PYROXD2: variants seen among roughly 807,000 people sequenced by gnomAD.
PYROXD2 encodes pyridine nucleotide-disulfide oxidoreductase domain-containing protein 2.
A neutral mutation model predicts 71.1 loss-of-function variants in PYROXD2; 69 were observed. That is an observed-to-expected ratio of 0.97 (90% CI 0.80 to 1.19). The LOEUF (loss-of-function observed/expected upper bound fraction) is 1.19, where lower values mean the gene tolerates loss of function less well. Ranked by LOEUF, PYROXD2 falls within the 50% of genes most tolerant of loss-of-function variation. The pLI is 0.00. For missense variants in PYROXD2, 745 were observed against 748.9 expected (o/e 0.99, Z 0.06); for synonymous variants, 287 against 302.7 (o/e 0.95, Z 0.54).
At chr10:98,411,117 C>A (rs748770552) in intron 1 of PYROXD2, 159 bp from the exon 2 acceptor site, 1 of 978,284 alleles carries the variant, frequency 1.0e-6, no homozygotes, top group Non-Finnish European at 1.5e-6. Flanking sequence ...GGAACAGCAT[C>A]TAGTTCAACT....
In PYROXD2 at chr10:98,385,052, C is replaced by G. The variant is rs41290472; in HGVS notation, c.1570G>C (p.Ala524Pro). The G allele has an allele frequency of 6.2e-7, 1 of 1,613,830 alleles. No individual in the cohort carries two copies. The highest frequency in any genetic ancestry group is 8.5e-7 in the Non-Finnish European group (1 of 1,179,886). The change falls in exon 15 of 16, where the codon GCC (alanine) becomes CCC (proline). Residue 524 changes from alanine (A) to proline (P), a missense_variant. Physicochemically the swap from Ala to Pro is conservative, Grantham distance 27. Coordinates refer to ENST00000370575, the MANE Select transcript of PYROXD2 (RefSeq NM_032709.3). Reference protein sequence around the residue: ...GLPGGNIFHCAMSLDQLYFAR... With the variant: ...GLPGGNIFHCPMSLDQLYFAR... ...AAGTAGAGCTGGTCCAGGGACATGG[C>G]GCAGTGGAATATGTTCTGCAGAGGC...
intron 11 of PYROXD2, 111 bp downstream of exon 11, chr10:98,390,899 G>A: frequency 7.4e-7 from 1 of 1,344,468 alleles, no homozygotes; most frequent in Non-Finnish European, 1.1e-6. Flanking sequence ...GGGGACACAG[G>A]CTGGAGGTCC....
chr10:98,402,297 C>A (rs1171410284), intron 4 of PYROXD2, among the ~76,000 whole-genome samples: 1 of 152,206 alleles, frequency 6.6e-6, no homozygotes, highest in Non-Finnish European at 1.5e-5. Context: ...TTCAAAACCA[C>A]AGCTCTGTAA....
chr10:98,386,545 G>C (rs1842760517), intron 14 of PYROXD2, among the ~76,000 whole-genome samples: 1 of 106,910 alleles, frequency 9.4e-6, no homozygotes, highest in Non-Finnish European at 1.8e-5. Context: ...TCTTTCTTTT[G>C]CTTTTTTTTT....
chr10:98,386,457 T>A (rs935553317), intron 14 of PYROXD2, among the ~76,000 whole-genome samples: 2 of 152,208 alleles, frequency 1.3e-5, no homozygotes, highest in Non-Finnish European at 2.9e-5. Context: ...AATATATAAC[T>A]TATTGATGAG....
At chr10:98,401,188 G>A (rs1208665925) in intron 4 of PYROXD2, among the ~76,000 whole-genome samples, 2 of 148,208 alleles carry the variant, frequency 1.3e-5, no homozygotes, top group African/African-American at 2.5e-5. Context: ...GGAAGGCAGA[G>A]GTTGCAGTGA....
intron 15 of PYROXD2, among the ~76,000 whole-genome samples, 179 bp from the exon 16 acceptor site, chr10:98,384,047 C>A (rs1356428290): frequency 6.6e-6 from 1 of 152,136 alleles, no homozygotes; most frequent in Non-Finnish European, 1.5e-5. Flanking sequence ...TCCCTCCAGG[C>A]TTCCTGCACC....
chr10:98,396,116 G>A (rs943584792), intron 6 of PYROXD2, among the ~76,000 whole-genome samples: 5 of 152,308 alleles, frequency 3.3e-5, no homozygotes, highest in African/African-American at 1.2e-4. Context: ...CATACTCTTT[G>A]CAATGTATAA....
chr10:98,413,434 G>A (rs1031003000), intron 1 of PYROXD2, among the ~76,000 whole-genome samples: 4 of 152,228 alleles, frequency 2.6e-5, no homozygotes, highest in African/African-American at 9.7e-5. Flanking sequence ...TAAAGAAGGA[G>A]GCCGGGCGCA....
At position 98,392,991 on chromosome 10, in the gene PYROXD2, G is replaced by C. The variant is rs139454799; in HGVS notation, c.878C>G (p.Ala293Gly). 510 of 1,613,564 alleles carry C rather than the reference G, an allele frequency of 3.2e-4. 2 individuals carry two copies. In the African/African-American group the frequency reaches 6.1e-3, roughly 19 times the overall value. The change falls in exon 9 of 16, where the codon GCG (alanine) becomes GGG (glycine). Residue 293 changes from alanine (A) to glycine (G), a missense_variant. Physicochemically the swap from Ala to Gly is moderately conservative, Grantham distance 60. Coordinates refer to ENST00000370575, the MANE Select transcript of PYROXD2 (RefSeq NM_032709.3). ...ATGTGTGGTGGCTGAGCTTGCGATCGCATCAGAGAGGGCACCCATGCCCCC... is the reference window on the plus strand; with the variant it reads ...ATGTGTGGTGGCTGAGCTTGCGATCCCATCAGAGAGGGCACCCATGCCCCC... ...VQGGMGALSD[A>G]IASSATTHGA...
Position 98,385,049 on chromosome 10 carries a change from T to A in PYROXD2, c.1573A>T (p.Met525Leu). ...GCGAAGTAGAGCTGGTCCAGGGACA[T>A]GGCGCAGTGGAATATGTTCTGCAGA... ...LPGGNIFHCA[M>L]SLDQLYFARP... The change falls in exon 15 of 16, where the codon ATG becomes TTG. Residue 525 changes from methionine to leucine, a missense_variant. Physicochemically the swap from Met to Leu is conservative, Grantham distance 15. Coordinates refer to ENST00000370575, the MANE Select transcript of PYROXD2 (RefSeq NM_032709.3). 1 of 1,613,844 alleles carries A rather than the reference T, an allele frequency of 6.2e-7. No individual in the cohort carries two copies. Among genetic ancestry groups the A allele is most frequent in the Non-Finnish European group, 8.5e-7 (1 of 1,179,898 alleles).
In PYROXD2 at chr10:98,407,567, G is replaced by T; in HGVS notation, c.315+15C>A. On this transcript the variant is annotated intron_variant, in intron 4 of 15. Transcript: ENST00000370575. ...CTCCTCCCTCCGTGCAATCGGGCCG[G>T]CGGGGGGGCCCTACCTTCAGCTCCA... is the stretch of plus-strand genomic sequence containing the variant. 6.2e-7 allele frequency: 1 copy of T among 1,613,232 alleles called. No individual in the cohort carries two copies. The highest frequency in any genetic ancestry group is 1.7e-4 in the Middle Eastern group (1 of 6,060).
intron 13 of PYROXD2, 144 bp downstream of exon 13, chr10:98,388,210 G>A (rs1842819904): frequency 1.3e-6 from 1 of 779,244 alleles, no homozygotes; most frequent in Non-Finnish European, 2.1e-6. Context: ...CAACTATGTT[G>A]ACTTGAGGTT....
At chr10:98,388,301 T>C (rs4539242) in intron 13 of PYROXD2, 53 bp downstream of exon 13, 636,553 of 1,590,216 alleles carry the variant, frequency 0.4, 138,582 homozygotes, top group African/African-American at 0.79. Flanking sequence ...CAGGCCCAGT[T>C]GGGTCGCATG....
rs982517314 is a variant in PYROXD2, at chr10:98,405,147, G to C, written c.315+2435C>G. On this transcript the variant is annotated intron_variant, in intron 4 of 15. Coordinates refer to ENST00000370575, the MANE Select transcript of PYROXD2 (RefSeq NM_032709.3). ...GCAAAGGCTCTGCCCTTCCAGCCTG[G>C]ATTCCATCATCCAGCGCAGGGCCGC... Among the ~76,000 whole-genome samples, 4 of 152,298 alleles carry C rather than the reference G, an allele frequency of 2.6e-5. No individual in the cohort carries two copies. The South Asian group carries it at 6.2e-4, about 24-fold the overall frequency.
intron 1 of PYROXD2, chr10:98,414,158 T>C (rs904820118): frequency 1.3e-5 from 2 of 152,010 alleles, no homozygotes; most frequent in African/African-American, 2.4e-5. Flanking sequence ...GAGTGTTGAG[T>C]ATCTACCAGC....
At chr10:98,400,028 C>A in intron 5 of PYROXD2, 74 bp downstream of exon 5, 2 of 1,558,672 alleles carry the variant, frequency 1.3e-6, no homozygotes, top group South Asian at 1.2e-5. Context: ...AACAATTGTT[C>A]TAGGACAATC....
Position 98,390,735 on chromosome 10 carries a change from G to A in PYROXD2, c.1155C>T (p.Pro385=). The A allele has an allele frequency of 6.2e-7, 1 of 1,603,142 alleles. No homozygotes were observed. The highest frequency in any genetic ancestry group is 8.5e-7 in the Non-Finnish European group (1 of 1,174,678). ...TKINVAVDRL[P]SFLAAPNAPR... is the part of the protein sequence containing the mutation. ...GAGCATTGGGGGCCGCCAGGAAGCT[G>A]GGCAGCCTGTCTACGGCCACTGAGG... is the stretch of plus-strand genomic sequence containing the variant. Residue 385 remains proline (P), a synonymous_variant, in exon 12 of 16, where the codon CCC becomes CCT. Transcript: ENST00000370575.
At chr10:98,396,022 T>C (rs374331003) in intron 6 of PYROXD2, among the ~76,000 whole-genome samples, 48 of 152,168 alleles carry the variant, frequency 3.2e-4, no homozygotes, top group African/African-American at 1.1e-3. Flanking sequence ...TTTTTGCCTG[T>C]TTTTCACACA....
Sources: gnomAD v4.1 joint callset for allele counts (sites outside exome capture counted in the v4.1 genomes callset) on GRCh38, gnomAD v4.1.1 for gene constraint, MANE v1.5 for transcripts, NCBI Gene and HGNC (gene_info 2026-07-23, HGNC 2026-07-21) for gene names.